The following LOC128125817 variants were observed in gnomAD, a reference collection of about 807,000 sequenced individuals.
chr1:41,600,053 A>T, the LOC128125817 span, among the ~76,000 whole-genome samples: 20 of 152,350 alleles, frequency 1.3e-4, no homozygotes, highest in Admixed American at 5.2e-4. Flanking sequence ...TACAACAAAA[A>T]AAAGAAAAAG....
At chr1:41,620,553 T>C in the LOC128125817 span, among the ~76,000 whole-genome samples, 1 of 152,234 alleles carries the variant, frequency 6.6e-6, no homozygotes, top group East Asian at 1.9e-4. Flanking sequence ...TCCCCTGCTT[T>C]TCTCTCTCTG....
the LOC128125817 span, among the ~76,000 whole-genome samples, chr1:41,624,096 C>T: frequency 2.0e-5 from 3 of 152,176 alleles, no homozygotes; most frequent in Non-Finnish European, 4.4e-5. Context: ...CCCTGGGTTG[C>T]GAAGAGTACT....
the LOC128125817 span, among the ~76,000 whole-genome samples, chr1:41,615,257 A>G: frequency 6.6e-6 from 1 of 152,246 alleles, no homozygotes; most frequent in African/African-American, 2.4e-5. Flanking sequence ...CCAGTCAATT[A>G]AAGAACTTCC....
chr1:41,598,678 T>C, the LOC128125817 span, among the ~76,000 whole-genome samples: 2 of 152,134 alleles, frequency 1.3e-5, no homozygotes, highest in Non-Finnish European at 2.9e-5. Flanking sequence ...AAAACAGACA[T>C]AAATCATAGG....
At chr1:41,595,393 C>A in the LOC128125817 span, among the ~76,000 whole-genome samples, 8 of 152,176 alleles carry the variant, frequency 5.3e-5, no homozygotes, top group Non-Finnish European at 4.4e-5. Context: ...TTCCTGGCCT[C>A]CTCTCTCTCC....
At chr1:41,617,448 G>A in the LOC128125817 span, among the ~76,000 whole-genome samples, 1 of 152,176 alleles carries the variant, frequency 6.6e-6, no homozygotes, top group Non-Finnish European at 1.5e-5. Flanking sequence ...CAACCCCTGG[G>A]GTGGTTGAGG....
chr1:41,597,720 C>T, the LOC128125817 span, among the ~76,000 whole-genome samples: 1 of 152,298 alleles, frequency 6.6e-6, no homozygotes, highest in East Asian at 1.9e-4. Context: ...CTGCAGGTAA[C>T]CAAACACTGT....
the LOC128125817 span, among the ~76,000 whole-genome samples, chr1:41,589,546 A>G: frequency 3.9e-5 from 6 of 152,322 alleles, no homozygotes; most frequent in African/African-American, 1.2e-4. Context: ...TCAGGACAAC[A>G]TGACCATGGC....
At chr1:41,627,365 C>T in the LOC128125817 span, among the ~76,000 whole-genome samples, 2 of 152,176 alleles carry the variant, frequency 1.3e-5, no homozygotes, top group East Asian at 1.9e-4. Flanking sequence ...CACTAAGAGT[C>T]GGGGCTGGGA....
At chr1:41,599,919 C>T in the LOC128125817 span, among the ~76,000 whole-genome samples, 4 of 151,992 alleles carry the variant, frequency 2.6e-5, no homozygotes, top group Admixed American at 1.3e-4. Flanking sequence ...CTTGAAGAGA[C>T]GTTTCTCCAA....
the LOC128125817 span, among the ~76,000 whole-genome samples, chr1:41,622,580 A>G: frequency 6.6e-6 from 1 of 152,248 alleles, no homozygotes. Flanking sequence ...TCCAGGCTGC[A>G]ATGACAAAGT....
At chr1:41,621,676 C>T in the LOC128125817 span, among the ~76,000 whole-genome samples, 1 of 152,208 alleles carries the variant, frequency 6.6e-6, no homozygotes. Context: ...CCACATCTGG[C>T]TAAATTTTTT....
chr1:41,594,235 T>G, the LOC128125817 span, among the ~76,000 whole-genome samples: 1 of 152,212 alleles, frequency 6.6e-6, no homozygotes, highest in Non-Finnish European at 1.5e-5. Flanking sequence ...TTTATTATTA[T>G]TTTTTGAAAT....
chr1:41,620,987 T>G, the LOC128125817 span, among the ~76,000 whole-genome samples: 1 of 152,176 alleles, frequency 6.6e-6, no homozygotes, highest in African/African-American at 2.4e-5. Flanking sequence ...CCATAACTGG[T>G]CAGCCCCACA....
chr1:41,620,273 C>G, the LOC128125817 span, among the ~76,000 whole-genome samples: 96 of 152,322 alleles, frequency 6.3e-4, no homozygotes, highest in African/African-American at 2.2e-3. Context: ...AAACCTCAAG[C>G]AAACAGAAAT....
chr1:41,609,541 T>C, the LOC128125817 span, among the ~76,000 whole-genome samples: 1 of 152,240 alleles, frequency 6.6e-6, no homozygotes, highest in African/African-American at 2.4e-5. Flanking sequence ...ACACTAAGTG[T>C]ACCAGGAGAA....
the LOC128125817 span, among the ~76,000 whole-genome samples, chr1:41,624,938 GAT>G: frequency 9.2e-5 from 14 of 152,256 alleles, no homozygotes; most frequent in African/African-American, 2.4e-4. Flanking sequence ...GGCCGAGGTG[GAT>G]GGATCACAAG....
At chr1:41,614,779 T>G in the LOC128125817 span, among the ~76,000 whole-genome samples, 6 of 152,184 alleles carry the variant, frequency 3.9e-5, no homozygotes, top group African/African-American at 1.4e-4. Flanking sequence ...TATACAGCAG[T>G]CAGAGGAAGA....
At chr1:41,611,199 C>T in the LOC128125817 span, among the ~76,000 whole-genome samples, 7 of 152,158 alleles carry the variant, frequency 4.6e-5, no homozygotes, top group Admixed American at 2.6e-4. Context: ...AATAAACAAA[C>T]GCTAAGTTGA....
Sources: gnomAD v4.1 joint callset for allele counts (sites outside exome capture counted in the v4.1 genomes callset) on GRCh38, gnomAD v4.1.1 for gene constraint, MANE v1.5 for transcripts.